The following ANKRD11 variants were observed in gnomAD, a reference collection of about 807,000 sequenced individuals.
The protein encoded by ANKRD11 is ankyrin repeat domain-containing protein 11.
In ANKRD11, 17 loss-of-function variants were observed where a neutral mutation model predicts 195.7. The observed-to-expected ratio is 0.09, with a 90% CI of 0.06 to 0.13. The LOEUF is 0.13. Ranked by LOEUF, ANKRD11 falls within the 10% of genes least tolerant of loss-of-function variation. The probability of loss-of-function intolerance (pLI) is 1.00; values close to 1 mark genes in which losing one functional copy is unlikely to be tolerated. For synonymous variants in ANKRD11, 1,953 were observed against 1,528.1 expected (o/e 1.28, Z -6.49); for missense variants, 3,735 against 3,566.1 (o/e 1.05, Z -1.21).
chr16:89,487,955 T>C (rs201608987), intron 1 of ANKRD11, among the ~76,000 whole-genome samples: 2 of 151,352 alleles, frequency 1.3e-5, no homozygotes, highest in African/African-American at 4.9e-5. Flanking sequence ...GAGGGTGTGA[T>C]GGCACTGCTG....
chr16:89,360,821 A>G (rs1245566737), intron 2 of ANKRD11: 1 of 152,276 alleles, frequency 6.6e-6, no homozygotes, highest in African/African-American at 2.4e-5. Flanking sequence ...AGATCCAAGT[A>G]ATCAGATACC....
intron 11 of ANKRD11, chr16:89,272,231 A>AGAC (rs968765644): frequency 6.6e-6 from 1 of 152,200 alleles, no homozygotes; most frequent in African/African-American, 2.4e-5. Context: ...TTTATCCAAA[A>AGAC]GACAGACAAT....
At chr16:89,298,374 T>G (rs1031031372) in intron 4 of ANKRD11, 1 of 152,286 alleles carries the variant, frequency 6.6e-6, no homozygotes, top group African/African-American at 2.4e-5. Flanking sequence ...CCTGGCCGAA[T>G]GCATGGGCGG....
intron 2 of ANKRD11, among the ~76,000 whole-genome samples, chr16:89,365,887 G>C (rs945091016): frequency 2.0e-5 from 3 of 151,708 alleles, no homozygotes; most frequent in Non-Finnish European, 4.4e-5. Context: ...GCAGACCCCA[G>C]TGTCTGCTGG....
chr16:89,356,475 T>C (rs1417882494), intron 2 of ANKRD11, among the ~76,000 whole-genome samples: 1 of 152,012 alleles, frequency 6.6e-6, no homozygotes, highest in Non-Finnish European at 1.5e-5. Context: ...GTCAGCTCTA[T>C]AAAGAATGTA....
intron 1 of ANKRD11, among the ~76,000 whole-genome samples, chr16:89,421,719 G>A (rs993727636): frequency 1.5e-5 from 2 of 137,862 alleles, no homozygotes; most frequent in African/African-American, 5.8e-5. Flanking sequence ...TGGGGGTGGG[G>A]GTGAGACACG....
chr16:89,284,244 CTTT>C lies in ANKRD11; in HGVS notation c.2295_2297del (p.Lys768del), dbSNP rs759302917. On this transcript the variant is annotated inframe_deletion, in exon 9 of 13. Coordinates refer to ENST00000301030, the MANE Select transcript of ANKRD11 (RefSeq NM_013275.6). ...TTGAGGGCCGGTCTTTTGATTTCTT[CTTT>C]CTCTCCTCTTTGTACAGTCTCAGTT... is the stretch of plus-strand genomic sequence containing the variant. 6.2e-7 allele frequency: 1 copy of C among 1,613,254 alleles called. No individual in the cohort carries two copies. Among genetic ancestry groups the C allele is most frequent in the South Asian group, 1.1e-5 (1 of 90,722 alleles).
intron 2 of ANKRD11, among the ~76,000 whole-genome samples, chr16:89,407,795 A>G (rs2041966158): frequency 6.7e-6 from 1 of 149,110 alleles, no homozygotes; most frequent in South Asian, 2.1e-4. Flanking sequence ...GGCTGCAATG[A>G]GCCGTGATCC....
chr16:89,324,747 G>T, intron 2 of ANKRD11: 1 of 315,500 alleles, frequency 3.2e-6, no homozygotes, highest in South Asian at 2.5e-5. Context: ...TTTGCCAGGG[G>T]TTCTTGGGCC....
intron 2 of ANKRD11, chr16:89,324,329 C>A: frequency 8.3e-7 from 1 of 1,210,222 alleles, no homozygotes; most frequent in Non-Finnish European, 1.1e-6. Flanking sequence ...GCAGTCGGGG[C>A]GACGTGGGTG....
intron 2 of ANKRD11, among the ~76,000 whole-genome samples, chr16:89,374,174 C>T (rs886614102): frequency 2.6e-5 from 4 of 152,156 alleles, no homozygotes; most frequent in African/African-American, 9.7e-5. Flanking sequence ...CCTTTATTCA[C>T]GGCAATTCTT....
chr16:89,325,469 T>TCTCTCA (rs57249774), intron 2 of ANKRD11, among the ~76,000 whole-genome samples: 68 of 147,740 alleles, frequency 4.6e-4, no homozygotes, highest in Non-Finnish European at 2.7e-4. Flanking sequence ...TCTCTCTCTC[T>TCTCTCA]CACACACACA....
chr16:89,377,150 C>T (rs1261210102), intron 2 of ANKRD11, among the ~76,000 whole-genome samples: 2 of 152,174 alleles, frequency 1.3e-5, no homozygotes, highest in Non-Finnish European at 2.9e-5. Context: ...ACAGCAGAGG[C>T]GTCAACGTGG....
chr16:89,388,321 G>A (rs1349082371), intron 2 of ANKRD11, among the ~76,000 whole-genome samples: 12 of 37,230 alleles, frequency 3.2e-4, no homozygotes, highest in East Asian at 1.1e-3. Context: ...TTTTTGAGAC[G>A]GAGTCTTGCT....
At chr16:89,350,015 G>A (rs1340042650) in intron 2 of ANKRD11, among the ~76,000 whole-genome samples, 4 of 152,050 alleles carry the variant, frequency 2.6e-5, no homozygotes, top group Non-Finnish European at 5.9e-5. Flanking sequence ...GCAAATGGCA[G>A]ATATGAAAGT....
chr16:89,300,472 G>A (rs1455119274), intron 4 of ANKRD11: 1 of 204,500 alleles, frequency 4.9e-6, no homozygotes, highest in Admixed American at 6.0e-5. Flanking sequence ...GCACAGCCTG[G>A]CCCCTGCTGC....
intron 4 of ANKRD11, among the ~76,000 whole-genome samples, chr16:89,298,582 C>T (rs2035604207): frequency 6.6e-6 from 1 of 152,246 alleles, no homozygotes; most frequent in Non-Finnish European, 1.5e-5. Flanking sequence ...GCAGCCACCA[C>T]CTTTATCCTG....
Position 89,283,751 on chromosome 16 carries a change from G to A in ANKRD11, c.2791C>T (p.Pro931Ser). The A allele has an allele frequency of 2.5e-6, 4 of 1,613,494 alleles. No individual in the cohort carries two copies. The highest frequency in any genetic ancestry group is 3.4e-6 in the Non-Finnish European group (4 of 1,179,716). ...KEQTEKHKSV[P>S]GYLSEKDKKR... ...TTGTCCTTTTCCGAAAGGTAGCCAG[G>A]GACACTTTTATGCTTTTCGGTCTGC... Residue 931 changes from proline to serine, a missense_variant, in exon 9 of 13, where the codon CCT becomes TCT. Physicochemically the swap from Pro to Ser is moderately conservative, Grantham distance 74 (BLOSUM62 -1). Coordinates refer to ENST00000301030, the MANE Select transcript of ANKRD11 (RefSeq NM_013275.6). This position sits in a 1 kb window ranked among gnomAD's most constrained non-coding sequence, Gnocchi z 4.3.
rs1597548244 is a variant in ANKRD11 at position 89,304,735 on chromosome 16, A to G, written c.226+471T>C. Among the ~76,000 whole-genome samples the G allele has an allele frequency of 2.0e-5, 3 of 152,190 alleles. No individual in the cohort carries two copies. The South Asian group carries it at 6.2e-4, about 32-fold the overall frequency. On this transcript the variant is annotated intron_variant, in intron 4 of 12. Coordinates refer to ENST00000301030, the MANE Select transcript of ANKRD11 (RefSeq NM_013275.6). ...TCTGGCACAGGCACACAGCACACACATTCCTGCTCTGCAGCCTCAGACCCC... is the reference window on the plus strand; with the variant it reads ...TCTGGCACAGGCACACAGCACACACGTTCCTGCTCTGCAGCCTCAGACCCC...
Sources: allele counts gnomAD v4.1 joint callset (sites outside exome capture counted in the v4.1 genomes callset), GRCh38; gene constraint gnomAD v4.1.1; non-coding constraint Gnocchi (gnomAD v3.1); transcripts MANE v1.5; gene names NCBI Gene and HGNC (gene_info 2026-07-23, HGNC 2026-07-21).